Variants in PTPRM observed in about 807,000 individuals in gnomAD.
The protein encoded by PTPRM is protein tyrosine phosphatase receptor type M.
PTPRM carries 47 observed loss-of-function variants against 186.7 expected under a neutral mutation model. That is an observed-to-expected ratio of 0.25 (90% CI 0.20 to 0.32). PTPRM has a LOEUF of 0.32. Ranked by LOEUF, PTPRM falls within the 10% of genes least tolerant of loss-of-function variation. PTPRM has a pLI of 1.00. For missense variants in PTPRM, 1,494 were observed against 1,865.0 expected (o/e 0.80, Z 3.66); for synonymous variants, 668 against 674.9 (o/e 0.99, Z 0.16).
intron 2 of PTPRM, among the ~76,000 whole-genome samples, chr18:7,785,615 C>T (rs1405430419): frequency 6.6e-6 from 1 of 152,208 alleles, no homozygotes; most frequent in African/African-American, 2.4e-5. Context: ...GACTTCGTGT[C>T]ATGCCAACAC....
At chr18:7,762,039 A>G (rs1396288628) in intron 1 of PTPRM, among the ~76,000 whole-genome samples, 2 of 152,190 alleles carry the variant, frequency 1.3e-5, no homozygotes, top group African/African-American at 2.4e-5. Flanking sequence ...CAAGTATTTA[A>G]TGAGTGGCAA....
At chr18:7,977,441 C>T (rs954797765) in intron 7 of PTPRM, among the ~76,000 whole-genome samples, 10 of 152,058 alleles carry the variant, frequency 6.6e-5, no homozygotes, top group Non-Finnish European at 5.9e-5. Context: ...GTCCCTCACA[C>T]GTGCACACCT....
intron 13 of PTPRM, among the ~76,000 whole-genome samples, chr18:8,123,929 C>T (rs185861076): frequency 1.2e-4 from 18 of 152,314 alleles, no homozygotes; most frequent in Middle Eastern, 3.4e-3. Context: ...CCAAGCTTTA[C>T]CTATAATCCA....
At chr18:8,070,660 G>A (rs906418483) in intron 8 of PTPRM, among the ~76,000 whole-genome samples, 2 of 152,118 alleles carry the variant, frequency 1.3e-5, no homozygotes, top group Admixed American at 6.5e-5. Flanking sequence ...GAATCTCAAT[G>A]CGTGGATATA....
At chr18:8,153,640 A>G (rs1227803264) in intron 14 of PTPRM, among the ~76,000 whole-genome samples, 1 of 152,234 alleles carries the variant, frequency 6.6e-6, no homozygotes, top group African/African-American at 2.4e-5. Flanking sequence ...TGTACAAACT[A>G]TCATATTCCA....
At chr18:7,612,057 A>C (rs2037689162) in intron 1 of PTPRM, among the ~76,000 whole-genome samples, 1 of 152,186 alleles carries the variant, frequency 6.6e-6, no homozygotes, top group Non-Finnish European at 1.5e-5. Context: ...GACTGTAACT[A>C]AGACCACAGG....
rs1471533629 is a variant in PTPRM at position 8,244,090 on chromosome 18, G to A, written c.2333G>A (p.Ser778Asn). The A allele has an allele frequency of 6.2e-7, 1 of 1,609,756 alleles. No homozygotes were observed. Among genetic ancestry groups the A allele is most frequent in the Admixed American group, 1.7e-5 (1 of 58,842 alleles). Residue 778 changes from serine to asparagine, a missense_variant, in exon 15 of 33, where the codon AGC (serine) becomes AAC (asparagine). This residue lies in a region of PTPRM where 1,107 missense variants were observed against 1,350.2 expected (regional missense o/e 0.82). Transcript: ENST00000580170. ...KLAKKRKETM[S>N]STRQEMTVMV... ...GCCAAGAAGCGGAAAGAGACCATGA[G>A]CAGCACCCGACAGGAGATGACTGTG...
At chr18:8,376,802 C>A in intron 26 of PTPRM, 1 of 611,838 alleles carries the variant, frequency 1.6e-6, no homozygotes, top group Non-Finnish European at 2.5e-6. Flanking sequence ...CAGGAGTTTT[C>A]CAGGTAACAG....
intron 1 of PTPRM, among the ~76,000 whole-genome samples, chr18:7,719,526 C>G (rs921444674): frequency 6.6e-5 from 10 of 151,906 alleles, no homozygotes; most frequent in African/African-American, 2.4e-4. Flanking sequence ...TCCCAAAAAA[C>G]TATTAAATTT....
At chr18:8,064,911 C>A (rs776024643) in intron 7 of PTPRM, among the ~76,000 whole-genome samples, 1 of 152,158 alleles carries the variant, frequency 6.6e-6, no homozygotes, top group Non-Finnish European at 1.5e-5. Context: ...TATTTTGTCA[C>A]CCTCTAGTGT....
At chr18:7,895,554 A>G (rs1391329299) in intron 3 of PTPRM, among the ~76,000 whole-genome samples, 3 of 152,070 alleles carry the variant, frequency 2.0e-5, no homozygotes, top group Admixed American at 6.5e-5. Context: ...CCTTCCCTGG[A>G]CTTGTTTGAC....
intron 7 of PTPRM, among the ~76,000 whole-genome samples, chr18:8,057,425 C>CTTTTTTTTTTTTTTTTTTTTTTTT (rs763829289): frequency 9.8e-6 from 1 of 102,562 alleles, no homozygotes; most frequent in African/African-American, 4.3e-5. Context: ...TGTGATACTT[C>CTTTTTTTTTTTTTTTTTTTTTTTT]TTTTTTTTTT....
intron 7 of PTPRM, among the ~76,000 whole-genome samples, chr18:8,038,924 G>A (rs192775606): frequency 3.3e-5 from 5 of 152,192 alleles, no homozygotes; most frequent in East Asian, 1.9e-4. Flanking sequence ...ATAGTAAAGC[G>A]TTTGGAACAT....
At chr18:8,314,151 GT>G (rs1326905569) in intron 20 of PTPRM, among the ~76,000 whole-genome samples, 2 of 152,102 alleles carry the variant, frequency 1.3e-5, no homozygotes, top group Non-Finnish European at 1.5e-5. Context: ...GTCAATTTGT[GT>G]TTTCATTGAA....
intron 7 of PTPRM, among the ~76,000 whole-genome samples, chr18:7,981,353 C>T (rs1461813590): frequency 2.6e-5 from 4 of 152,196 alleles, no homozygotes; most frequent in Admixed American, 2.6e-4. Context: ...GCACACACAG[C>T]ACCTAGCCTA....
At chr18:7,886,620 A>C (rs948307319) in intron 2 of PTPRM, among the ~76,000 whole-genome samples, 23 of 152,122 alleles carry the variant, frequency 1.5e-4, no homozygotes, top group Non-Finnish European at 4.4e-5. Context: ...AGTGTGGCAT[A>C]ATGAGTAATG....
At chr18:7,670,842 G>A (rs1425015351) in intron 1 of PTPRM, among the ~76,000 whole-genome samples, 2 of 152,296 alleles carry the variant, frequency 1.3e-5, no homozygotes, top group East Asian at 1.9e-4. Flanking sequence ...GGTATGGTAA[G>A]TGTAACTTGA....
chr18:8,140,804 TA>T (rs1238084433), intron 13 of PTPRM, among the ~76,000 whole-genome samples: 2 of 152,188 alleles, frequency 1.3e-5, no homozygotes, highest in South Asian at 2.1e-4. Context: ...TGCCTTTTAA[TA>T]AGCAATTAAA....
chr18:7,950,881 C>G (rs2052904183), intron 6 of PTPRM, among the ~76,000 whole-genome samples: 1 of 152,196 alleles, frequency 6.6e-6, no homozygotes, highest in South Asian at 2.1e-4. Context: ...GACACAGCCT[C>G]TGTTATAAAA....
Sources: gnomAD v4.1 joint callset for allele counts (sites outside exome capture counted in the v4.1 genomes callset) on GRCh38, gnomAD v4.1.1 for gene constraint, gnomAD v4.1.1 regional missense constraint, MANE v1.5 for transcripts, NCBI Gene and HGNC (gene_info 2026-07-23, HGNC 2026-07-21) for gene names.